The following PLCB1 variants were observed in gnomAD, a reference collection of about 807,000 sequenced individuals.
The protein encoded by PLCB1 is 1-phosphatidylinositol 4,5-bisphosphate phosphodiesterase beta-1.
PLCB1 carries 46 observed loss-of-function variants against 161.8 expected under a neutral mutation model. The ratio of observed to expected loss-of-function variants is 0.28; its 90% CI spans 0.22 to 0.36. The LOEUF (loss-of-function observed/expected upper bound fraction) is 0.36, where lower values mean the gene tolerates loss of function less well. Ranked by LOEUF, PLCB1 falls within the 10% of genes least tolerant of loss-of-function variation. The probability of loss-of-function intolerance (pLI) is 1.00; values close to 1 mark genes in which losing one functional copy is unlikely to be tolerated. For missense variants in PLCB1, 1,016 were observed against 1,472.5 expected, an observed-to-expected ratio of 0.69 and a Z score of 5.07; for synonymous variants, 517 against 503.7, an observed-to-expected ratio of 1.03 and a Z score of -0.35.
chr20:8,650,643 C>T lies in PLCB1; in HGVS notation c.594+1194C>T, dbSNP rs6055977. Among the ~76,000 whole-genome samples the T allele has an allele frequency of 7.4e-3, 1,127 of 152,330 alleles. 15 individuals carry two copies. The highest frequency in any genetic ancestry group is 0.026 in the African/African-American group (1,078 of 41,572). The stretch of plus-strand genomic sequence containing the variant: ...GCCAAGAACCCTCGCAGGCTAAGCC[C>T]TACTTTGGGGCTTTCCAGCCCTGGA... On this transcript the variant is annotated intron_variant, in intron 7 of 31. Coordinates refer to ENST00000338037, the MANE Select transcript of PLCB1 (RefSeq NM_015192.4).
At chr20:8,169,572 C>G (rs905593237) in intron 2 of PLCB1, among the ~76,000 whole-genome samples, 3 of 152,082 alleles carry the variant, frequency 2.0e-5, no homozygotes, top group Non-Finnish European at 4.4e-5. Flanking sequence ...GATTCATATT[C>G]TGAGTCTTTT....
chr20:8,797,891 G>A (rs1369467289), intron 31 of PLCB1, among the ~76,000 whole-genome samples: 2 of 152,118 alleles, frequency 1.3e-5, no homozygotes, highest in Non-Finnish European at 2.9e-5. Context: ...AGTTCTCTGG[G>A]TCTTTAAAGA....
chr20:8,756,904 T>G, intron 23 of PLCB1, 142 bp from the exon 24 acceptor site: 4 of 784,818 alleles, frequency 5.1e-6, no homozygotes, highest in Non-Finnish European at 8.0e-6. Flanking sequence ...GTTTTAACCC[T>G]GCTTTCCAGG....
intron 4 of PLCB1, among the ~76,000 whole-genome samples, chr20:8,634,966 A>G (rs1988715178): frequency 6.6e-6 from 1 of 152,022 alleles, no homozygotes; most frequent in African/African-American, 2.4e-5. Flanking sequence ...TCTTTTGTCC[A>G]CCAAGAAAAG....
intron 3 of PLCB1, among the ~76,000 whole-genome samples, chr20:8,376,927 CAA>C (rs113346186): frequency 7.5e-6 from 1 of 134,038 alleles, no homozygotes; most frequent in Non-Finnish European, 1.6e-5. Context: ...GACTCCATCT[CAA>C]AAAAAAAAAA....
chr20:8,764,777 C>A (rs1982226427), intron 25 of PLCB1, among the ~76,000 whole-genome samples: 1 of 152,182 alleles, frequency 6.6e-6, no homozygotes, highest in Non-Finnish European at 1.5e-5. Flanking sequence ...CCTTCTGAGA[C>A]CACACCCTTG....
At chr20:8,265,398 A>G (rs535768847) in intron 2 of PLCB1, among the ~76,000 whole-genome samples, 2 of 152,278 alleles carry the variant, frequency 1.3e-5, no homozygotes, top group Admixed American at 1.3e-4. Context: ...AGACTTGCCA[A>G]TGGGTGGGGG....
chr20:8,198,429 A>G (rs1393754610), intron 2 of PLCB1, among the ~76,000 whole-genome samples: 3 of 152,072 alleles, frequency 2.0e-5, no homozygotes, highest in Admixed American at 6.6e-5. Context: ...TTCTCCATTC[A>G]AGGTTGCAGA....
At chr20:8,776,010 T>C (rs555949926) in intron 27 of PLCB1, among the ~76,000 whole-genome samples, 3 of 152,288 alleles carry the variant, frequency 2.0e-5, no homozygotes, top group South Asian at 4.1e-4. Context: ...TTGACAGACC[T>C]GAGCAAGTCA....
At chr20:8,847,905 A>C (rs561445001) in intron 31 of PLCB1, among the ~76,000 whole-genome samples, 2 of 152,340 alleles carry the variant, frequency 1.3e-5, no homozygotes, top group East Asian at 3.9e-4. Context: ...ACGAACAGAA[A>C]TCTATTTTCT....
chr20:8,248,022 G>A (rs1003617235), intron 2 of PLCB1, among the ~76,000 whole-genome samples: 9 of 151,886 alleles, frequency 5.9e-5, no homozygotes, highest in African/African-American at 2.2e-4. Flanking sequence ...GTCCTAGATT[G>A]TGTTCCCCAG....
chr20:8,855,439 A>T (rs975804587), intron 31 of PLCB1, among the ~76,000 whole-genome samples: 1 of 152,194 alleles, frequency 6.6e-6, no homozygotes, highest in Non-Finnish European at 1.5e-5. Flanking sequence ...GTTCCAAGTC[A>T]CCAGCACTCC....
At chr20:8,778,749 C>T (rs117314807) in intron 27 of PLCB1, among the ~76,000 whole-genome samples, 3,141 of 152,288 alleles carry the variant, frequency 0.021, 44 homozygotes, top group South Asian at 0.05. Flanking sequence ...TTACACACAC[C>T]TATCCCAGCC....
intron 31 of PLCB1, among the ~76,000 whole-genome samples, chr20:8,796,863 T>G (rs533511721): frequency 3.1e-4 from 47 of 152,362 alleles, no homozygotes; most frequent in Non-Finnish European, 5.4e-4. Context: ...TTCATTTAGA[T>G]ATGTCTACAT....
chr20:8,374,258 C>T (rs1260141504), intron 3 of PLCB1, among the ~76,000 whole-genome samples: 1 of 152,090 alleles, frequency 6.6e-6, no homozygotes, highest in Non-Finnish European at 1.5e-5. Context: ...TTTGGTAGTT[C>T]CTCCTGAGTT....
rs192342373 is a variant in PLCB1 at position 8,312,290 on chromosome 20, G to A, written c.178-59092G>A. 7.2e-5 allele frequency among the ~76,000 whole-genome samples: 11 copies of A among 152,162 alleles called. No individual in the cohort carries two copies. In the East Asian group the frequency reaches 1.9e-3, roughly 27 times the overall value. Reference sequence around the variant, plus strand: ...CATACAATTCTTCTACCCCGCAAAAGCCTACAGGACTATCCCATTCCCACA... The same window carrying A: ...CATACAATTCTTCTACCCCGCAAAAACCTACAGGACTATCCCATTCCCACA... On this transcript the variant is annotated intron_variant, in intron 2 of 31. Coordinates refer to ENST00000338037, the MANE Select transcript of PLCB1 (RefSeq NM_015192.4).
chr20:8,139,416 A>G (rs1015719293), intron 1 of PLCB1, among the ~76,000 whole-genome samples: 9 of 151,962 alleles, frequency 5.9e-5, no homozygotes, highest in Admixed American at 3.3e-4. Flanking sequence ...TTTTTTGTTT[A>G]CAATATTTGG....
Position 8,881,833 on chromosome 20 carries a change from T to G in PLCB1, c.3635T>G (p.Phe1212Cys), listed in dbSNP as rs202009902. Residue 1212 changes from phenylalanine (F) to cysteine (C), a missense_variant, in exon 32 of 32, where the codon TTT becomes TGT. Phe to Cys is a radical substitution (Grantham distance 205). Coordinates refer to ENST00000338037, the MANE Select transcript of PLCB1 (RefSeq NM_015192.4). Reference sequence around the variant, plus strand: ...GGAGGAGACATCCCAGGAAAAGAATTTGATACTCCTCTGTGAATGCTCCTG... The same window carrying G: ...GGAGGAGACATCCCAGGAAAAGAATGTGATACTCCTCTGTGAATGCTCCTG... ...ELGGDIPGKE[F>C]DTPL 15 of 1,611,790 alleles carry G rather than the reference T, an allele frequency of 9.3e-6. No homozygotes were observed. The Admixed American group carries it at 1.2e-4, about 13-fold the overall frequency.
intron 2 of PLCB1, among the ~76,000 whole-genome samples, chr20:8,326,772 A>G (rs1985171640): frequency 6.6e-6 from 1 of 152,240 alleles, no homozygotes. Flanking sequence ...TCTCAAAAGT[A>G]GACCTGCTTA....
Sources: gnomAD v4.1 joint callset for allele counts (sites outside exome capture counted in the v4.1 genomes callset) on GRCh38, gnomAD v4.1.1 for gene constraint, MANE v1.5 for transcripts, NCBI Gene and HGNC (gene_info 2026-07-23, HGNC 2026-07-21) for gene names.